The following PALLD variants were observed in gnomAD, a reference collection of about 807,000 sequenced individuals.
PALLD encodes palladin, cytoskeletal associated protein.
PALLD carries 61 observed loss-of-function variants against 123.5 expected under a neutral mutation model. The observed-to-expected ratio is 0.49, with a 90% CI of 0.40 to 0.61. The LOEUF (loss-of-function observed/expected upper bound fraction) is 0.61, where lower values mean the gene tolerates loss of function less well. Among genes scored for constraint, PALLD ranks in the 20% least tolerant of loss-of-function variants. The pLI, the probability that PALLD is intolerant of heterozygous loss-of-function variation, is 0.00. For missense variants in PALLD, 1,273 were observed against 1,377.0 expected (o/e 0.92, Z 1.20); for synonymous variants, 465 against 496.4 (o/e 0.94, Z 0.84).
chr4:168,856,168 C>T (rs1748582207), intron 10 of PALLD, among the ~76,000 whole-genome samples: 1 of 152,196 alleles, frequency 6.6e-6, no homozygotes, highest in African/African-American at 2.4e-5. Context: ...CTACAAAGGA[C>T]ATGATTTTGC....
chr4:168,866,424 C>T (rs1750298420), intron 10 of PALLD, among the ~76,000 whole-genome samples: 1 of 152,124 alleles, frequency 6.6e-6, no homozygotes, highest in South Asian at 2.1e-4. Flanking sequence ...ACTTCCATAC[C>T]ATGAAATTCT....
chr4:168,645,090 A>G (rs1777312057), intron 2 of PALLD, among the ~76,000 whole-genome samples: 1 of 134,922 alleles, frequency 7.4e-6, no homozygotes. Context: ...AGTGTGCGAC[A>G]CAGTCTCAAA....
At chr4:168,591,071 G>A (rs1771376126) in intron 2 of PALLD, among the ~76,000 whole-genome samples, 1 of 151,986 alleles carries the variant, frequency 6.6e-6, no homozygotes. Flanking sequence ...TAGAGACAGA[G>A]TTTCGCCATG....
chr4:168,817,298 T>C (rs1403276624), intron 10 of PALLD, among the ~76,000 whole-genome samples: 17 of 152,212 alleles, frequency 1.1e-4, no homozygotes, highest in Non-Finnish European at 2.9e-5. Flanking sequence ...ATTCCCTTTA[T>C]GTGTAATGCA....
chr4:168,713,338 G>T (rs1785020415), intron 10 of PALLD, among the ~76,000 whole-genome samples: 1 of 152,186 alleles, frequency 6.6e-6, no homozygotes, highest in African/African-American at 2.4e-5. Context: ...AATTGCCACT[G>T]CTGACTTCTT....
chr4:168,584,980 T>A (rs901062058), intron 2 of PALLD, among the ~76,000 whole-genome samples: 2 of 152,224 alleles, frequency 1.3e-5, no homozygotes, highest in Non-Finnish European at 2.9e-5. Context: ...TTGGCTATTT[T>A]ACACCAGTTC....
At chr4:168,652,100 A>G (rs1188561251) in intron 2 of PALLD, among the ~76,000 whole-genome samples, 2 of 152,122 alleles carry the variant, frequency 1.3e-5, no homozygotes, top group African/African-American at 4.8e-5. Flanking sequence ...AGCGTCACAT[A>G]CCGCGTGACC....
chr4:168,693,680 C>T (rs1439002068), intron 8 of PALLD, among the ~76,000 whole-genome samples: 1 of 152,090 alleles, frequency 6.6e-6, no homozygotes, highest in Non-Finnish European at 1.5e-5. Context: ...TGTCAATACA[C>T]CAAAAAATAT....
chr4:168,613,987 A>G (rs540174769), intron 2 of PALLD, among the ~76,000 whole-genome samples: 1 of 152,220 alleles, frequency 6.6e-6, no homozygotes, highest in African/African-American at 2.4e-5. Context: ...TGTAGCTGGG[A>G]ATTCATTTAA....
At chr4:168,718,699 T>C (rs145312092) in intron 10 of PALLD, among the ~76,000 whole-genome samples, 2,830 of 152,330 alleles carry the variant, frequency 0.019, 83 homozygotes, top group South Asian at 0.14. Context: ...CAAGCAAATA[T>C]ATACGTATAT....
At chr4:168,713,942 GTTTTTT>G (rs34942776) in intron 10 of PALLD, among the ~76,000 whole-genome samples, 1 of 54,700 alleles carries the variant, frequency 1.8e-5, no homozygotes, top group Admixed American at 2.4e-4. Context: ...TTTTCCCATT[GTTTTTT>G]TTTTTTTTTT....
At chr4:168,666,979 G>C (rs1211898605) in intron 2 of PALLD, among the ~76,000 whole-genome samples, 1 of 152,102 alleles carries the variant, frequency 6.6e-6, no homozygotes, top group Non-Finnish European at 1.5e-5. Context: ...AAATAATATG[G>C]TTTGCATTGC....
At chr4:168,817,803 G>A (rs1037625739) in intron 10 of PALLD, among the ~76,000 whole-genome samples, 4 of 152,178 alleles carry the variant, frequency 2.6e-5, no homozygotes, top group African/African-American at 9.7e-5. Flanking sequence ...GGAATAAATA[G>A]AAGACATTCA....
chr4:168,625,502 G>GATAGATATATATATATATATATAT lies in PALLD; in HGVS notation c.909-42685_909-42684insGATATATATATATATATATATATA. 9.6e-3 allele frequency among the ~76,000 whole-genome samples: 1,092 copies of GATAGATATATATATATATATATAT among 114,316 alleles called. 29 individuals carry two copies. The highest frequency in any genetic ancestry group is 0.016 in the African/African-American group (467 of 29,966). 75.0% of individuals were successfully genotyped at this position (114,316 alleles called of 152,430 possible). ...TCCAATAAGGGATTAATATCCAGGAGATATATATATATATATCCTATAAGG... is the reference window on the plus strand; with the variant it reads ...TCCAATAAGGGATTAATATCCAGGAGATAGATATATATATATATATATATATATATATATATATATCCTATAAGG... On this transcript the variant is annotated intron_variant, in intron 2 of 21. Coordinates refer to ENST00000505667, the MANE Select transcript of PALLD (RefSeq NM_001166108.2).
intron 2 of PALLD, among the ~76,000 whole-genome samples, chr4:168,619,178 C>G (rs1490713177): frequency 6.6e-6 from 1 of 152,058 alleles, no homozygotes; most frequent in Non-Finnish European, 1.5e-5. Flanking sequence ...CTTTGATAAG[C>G]CGTAGGAAAG....
At chr4:168,521,609 C>G (rs1763572760) in intron 2 of PALLD, among the ~76,000 whole-genome samples, 1 of 152,072 alleles carries the variant, frequency 6.6e-6, no homozygotes, top group African/African-American at 2.4e-5. Flanking sequence ...TTTCAAAAAC[C>G]TTTGACTCTG....
At chr4:168,553,099 A>G (rs1179031948) in intron 2 of PALLD, among the ~76,000 whole-genome samples, 4 of 152,182 alleles carry the variant, frequency 2.6e-5, no homozygotes, top group Non-Finnish European at 4.4e-5. Context: ...GCCCATTTTA[A>G]AGATGTGAAA....
chr4:168,661,351 AT>A (rs1263761003), intron 2 of PALLD, among the ~76,000 whole-genome samples: 2 of 152,322 alleles, frequency 1.3e-5, no homozygotes, highest in African/African-American at 4.8e-5. Context: ...CTTAGCTGAC[AT>A]CTATGCTTCC....
At chr4:168,763,897 T>TG (rs1422977116) in intron 10 of PALLD, among the ~76,000 whole-genome samples, 1 of 152,134 alleles carries the variant, frequency 6.6e-6, no homozygotes, top group African/African-American at 2.4e-5. Flanking sequence ...TTAGAAGCCC[T>TG]CTCCCACATG....
Sources: gnomAD v4.1 joint callset for allele counts (sites outside exome capture counted in the v4.1 genomes callset) on GRCh38, gnomAD v4.1.1 for gene constraint, MANE v1.5 for transcripts, NCBI Gene and HGNC (gene_info 2026-07-23, HGNC 2026-07-21) for gene names.